Variants in PDE4D observed in about 807,000 individuals in gnomAD.
PDE4D encodes 3',5'-cyclic-AMP phosphodiesterase 4D.
In PDE4D, 24 loss-of-function variants were observed where a neutral mutation model predicts 87.4. That is an observed-to-expected ratio of 0.27 (90% CI 0.20 to 0.39). The LOEUF is 0.39. Among genes scored for constraint, PDE4D ranks in the 10% least tolerant of loss-of-function variants. The pLI, the probability that PDE4D is intolerant of heterozygous loss-of-function variation, is 1.00. For synonymous variants in PDE4D, 384 were observed against 383.2 expected (o/e 1.00, Z -0.02); for missense variants, 714 against 1,041.0 (o/e 0.69, Z 4.32).
intron 1 of PDE4D, among the ~76,000 whole-genome samples, chr5:59,673,532 C>A (rs1345076325): frequency 6.6e-6 from 1 of 152,080 alleles, no homozygotes; most frequent in Non-Finnish European, 1.5e-5. Context: ...TGAATCAAAA[C>A]CTTATGGGAA....
At chr5:59,580,538 C>T (rs933860620) in intron 1 of PDE4D, among the ~76,000 whole-genome samples, 2 of 152,028 alleles carry the variant, frequency 1.3e-5, no homozygotes, top group African/African-American at 4.8e-5. Flanking sequence ...ATGATCATGG[C>T]TTATCGTAGC....
intron 3 of PDE4D, among the ~76,000 whole-genome samples, chr5:59,984,681 T>G (rs935491990): frequency 2.0e-5 from 3 of 152,206 alleles, no homozygotes; most frequent in Admixed American, 1.3e-4. Context: ...CTAATAGCTG[T>G]CATCTACGAC....
At chr5:59,986,155 A>C (rs901241204) in intron 3 of PDE4D, among the ~76,000 whole-genome samples, 1 of 152,152 alleles carries the variant, frequency 6.6e-6, no homozygotes, top group Non-Finnish European at 1.5e-5. Context: ...AGCAGGCTGA[A>C]GCGATCCTCC....
chr5:60,230,693 A>G (rs897313062), intron 1 of PDE4D, among the ~76,000 whole-genome samples: 8 of 152,108 alleles, frequency 5.3e-5, no homozygotes, highest in African/African-American at 1.9e-4. Context: ...ACTTTGAGTC[A>G]ATGATAGAGG....
chr5:60,018,667 G>A (rs974190750), intron 2 of PDE4D, among the ~76,000 whole-genome samples: 9 of 151,770 alleles, frequency 5.9e-5, no homozygotes, highest in Admixed American at 2.0e-4. Flanking sequence ...AATAGAAAGC[G>A]GAAAAAAGCA....
intron 2 of PDE4D, among the ~76,000 whole-genome samples, chr5:59,991,403 G>T (rs1762994241): frequency 6.6e-6 from 1 of 152,136 alleles, no homozygotes; most frequent in Admixed American, 6.6e-5. Context: ...AATGCGGAGG[G>T]TTTGAACAAC....
intron 1 of PDE4D, among the ~76,000 whole-genome samples, chr5:59,395,201 G>A (rs559242563): frequency 7.2e-5 from 11 of 152,070 alleles, no homozygotes; most frequent in South Asian, 2.1e-4. Flanking sequence ...CAAAGCAGCC[G>A]GGAAGCTCCA....
intron 1 of PDE4D, among the ~76,000 whole-genome samples, chr5:59,411,591 G>A (rs146700543): frequency 6.6e-6 from 1 of 152,258 alleles, no homozygotes; most frequent in East Asian, 1.9e-4. Context: ...TGTTTACATG[G>A]TTGTCTCTGT....
chr5:59,626,325 G>T (rs1055182656), intron 1 of PDE4D, among the ~76,000 whole-genome samples: 1 of 152,302 alleles, frequency 6.6e-6, no homozygotes, highest in African/African-American at 2.4e-5. Flanking sequence ...AAGTTTATGT[G>T]TATATCAAAA....
chr5:59,150,806 G>T lies in PDE4D; in HGVS notation c.808+29789C>A, dbSNP rs1779366768. On this transcript the variant is annotated intron_variant, in intron 5 of 14. Coordinates refer to ENST00000340635, the MANE Select transcript of PDE4D (RefSeq NM_001104631.2). ...TTATAAATGGGAAATTGCAACTAAG[G>T]TAATTGGTGTCAAGAGAAAAAAAAA... Among the ~76,000 whole-genome samples, 5 of 152,196 alleles carry T rather than the reference G, an allele frequency of 3.3e-5. No individual in the cohort carries two copies. In the South Asian group the frequency reaches 1.0e-3, roughly 32 times the overall value.
chr5:59,029,308 T>C (rs369785820), intron 6 of PDE4D, among the ~76,000 whole-genome samples: 32 of 146,134 alleles, frequency 2.2e-4, no homozygotes, highest in East Asian at 4.0e-4. Context: ...TCCCAGCTAA[T>C]TGGGAGGCTG....
chr5:60,469,989 G>A (rs184466534), intron 1 of PDE4D, among the ~76,000 whole-genome samples: 2 of 152,272 alleles, frequency 1.3e-5, no homozygotes, highest in East Asian at 3.9e-4. Context: ...TTAGTGAGGA[G>A]GGCAGGTTAA....
intron 2 of PDE4D, among the ~76,000 whole-genome samples, chr5:60,153,194 C>T (rs1273790456): frequency 6.6e-6 from 1 of 152,112 alleles, no homozygotes; most frequent in Non-Finnish European, 1.5e-5. Flanking sequence ...AAACACATAA[C>T]CCTATTAAAA....
rs183417369 is a variant in PDE4D, at chr5:59,905,861, G to A, written c.272+82627C>T. ...AGTGCTTTTGAAAATTATGAACTGT[G>A]TTGAACTAGTAATAGGGCTTTGCCT... On this transcript the variant is annotated intron_variant, in intron 3 of 16. Coordinates refer to the PDE4D transcript ENST00000502484. 1.2e-4 allele frequency among the ~76,000 whole-genome samples: 18 copies of A among 152,272 alleles called. No homozygotes were observed. The East Asian group carries it at 3.5e-3, about 29-fold the overall frequency.
intron 1 of PDE4D, among the ~76,000 whole-genome samples, chr5:60,497,796 C>T (rs1749887108): frequency 6.6e-6 from 1 of 152,164 alleles, no homozygotes; most frequent in Non-Finnish European, 1.5e-5. Context: ...AGTGCTTTCT[C>T]CCACCCCTAC....
At chr5:59,942,375 A>G (rs1757278402) in intron 3 of PDE4D, among the ~76,000 whole-genome samples, 1 of 152,220 alleles carries the variant, frequency 6.6e-6, no homozygotes, top group Non-Finnish European at 1.5e-5. Context: ...GAGTGCTAGC[A>G]AATGTGATAT....
intron 3 of PDE4D, among the ~76,000 whole-genome samples, chr5:59,948,645 C>G (rs867759190): frequency 6.6e-6 from 1 of 152,192 alleles, no homozygotes; most frequent in South Asian, 2.1e-4. Flanking sequence ...AGCAAGAAGT[C>G]TCTATTAGAA....
Position 60,181,946 on chromosome 5 carries a change from C to T in PDE4D, c.42+3611G>A, listed in dbSNP as rs568891347. On this transcript the variant is annotated intron_variant, in intron 2 of 16. Transcript: ENST00000502484. ...AAATTTTTATATCCTGTTCTCTTGTCTGTACCTTTCCTTCCCTCCCCTGAT... is the reference window on the plus strand; with the variant it reads ...AAATTTTTATATCCTGTTCTCTTGTTTGTACCTTTCCTTCCCTCCCCTGAT... 5.3e-5 allele frequency among the ~76,000 whole-genome samples: 8 copies of T among 152,246 alleles called. No individual in the cohort carries two copies. The South Asian group carries it at 1.7e-3, about 32-fold the overall frequency.
chr5:59,852,272 C>T (rs1200341359), intron 1 of PDE4D, among the ~76,000 whole-genome samples: 1 of 152,056 alleles, frequency 6.6e-6, no homozygotes. Flanking sequence ...CCCTTCCTCA[C>T]TCTCACATTG....
Sources: allele counts gnomAD v4.1 joint callset (sites outside exome capture counted in the v4.1 genomes callset), GRCh38; gene constraint gnomAD v4.1.1; transcripts MANE v1.5; gene names NCBI Gene and HGNC (gene_info 2026-07-23, HGNC 2026-07-21).